MEP1B: variants seen among roughly 807,000 people sequenced by gnomAD.
The protein encoded by MEP1B is meprin A subunit beta, also known as N-benzoyl-L-tyrosyl-P-amino-benzoic acid hydrolase subunit beta.
Under a neutral mutation model 84.6 loss-of-function variants are expected in MEP1B, and 80 were observed. The observed-to-expected ratio is 0.95, with a 90% confidence interval of 0.79 to 1.14. The LOEUF (loss-of-function observed/expected upper bound fraction) is 1.14. Among genes scored for constraint, MEP1B ranks in the 50% most tolerant of loss-of-function variants. The probability of loss-of-function intolerance (pLI) is 0.00; values close to 1 mark genes in which losing one functional copy is unlikely to be tolerated. For synonymous variants in MEP1B, 273 were observed against 288.1 expected (o/e 0.95, Z 0.53); for missense variants, 766 against 855.1 (o/e 0.90, Z 1.30).
chr18:32,213,027 C>A, intron 10 of MEP1B, 89 bp from the exon 11 acceptor site: 1 of 1,244,450 alleles, frequency 8.0e-7, no homozygotes. Flanking sequence ...TTTTGGATGA[C>A]CCTTTGTCTA....
chr18:32,216,801 G>A (rs1026610887), intron 12 of MEP1B, among the ~76,000 whole-genome samples, 190 bp from the exon 13 acceptor site: 8 of 151,978 alleles, frequency 5.3e-5, no homozygotes, highest in East Asian at 1.9e-4. Context: ...CTCTGAGGCC[G>A]GAGTGGAAAG....
intron 5 of MEP1B, chr18:32,195,951 G>A (rs2040849225): frequency 3.6e-6 from 1 of 280,614 alleles, no homozygotes; most frequent in South Asian, 4.0e-5. Context: ...TGGCAGGTAT[G>A]CTCCTTTCTC....
rs529373473 is a variant in MEP1B at position 32,191,809 on chromosome 18, G to C, written c.64-13G>C. 44 of 1,522,356 alleles carry C rather than the reference G, an allele frequency of 2.9e-5. 1 individual carries two copies. In the Middle Eastern group the frequency reaches 1.6e-3, roughly 57 times the overall value. The allele number at this position is 1,522,356 out of a possible 1,614,324, so 94.3% of individuals were successfully genotyped here. A position where few individuals can be genotyped will look rare whatever the true frequency, so the allele number is the denominator to read the frequency against. ...TTATAATAATATGTTTTGTTTATGTGTTTATTTCCCAGGCAACTCCAGAAA... is the reference window on the plus strand; with the variant it reads ...TTATAATAATATGTTTTGTTTATGTCTTTATTTCCCAGGCAACTCCAGAAA... On this transcript the variant is annotated splice_polypyrimidine_tract_variant and intron_variant, in intron 1 of 14. Transcript: ENST00000269202.
chr18:32,208,113 T>C lies in MEP1B; in HGVS notation c.767-6T>C, dbSNP rs759063440. On this transcript the variant is annotated splice_region_variant and splice_polypyrimidine_tract_variant and intron_variant, in intron 8 of 14. Transcript: ENST00000269202. ...AGTGTCAATAATTGTTTTTTGCTTT[T>C]TGTAGCCTCTTCCTTGAGTTTTATG... 3.1e-6 allele frequency: 5 copies of C among 1,613,220 alleles called. 1 individual carries two copies. The South Asian group carries it at 5.5e-5, about 18-fold the overall frequency.
In MEP1B at chr18:32,204,382, ATGTTTT is replaced by A. The variant is rs775637268; in HGVS notation, c.547+24_547+29del. Reference sequence around the variant, plus strand: ...TCAGGTACATTTCTCTTTTTTTCCTATGTTTTTAGTTAAGGACTGAATTTCTAAGCA... The same window carrying A: ...TCAGGTACATTTCTCTTTTTTTCCTATAGTTAAGGACTGAATTTCTAAGCA... On this transcript the variant is annotated intron_variant, in intron 7 of 14. Coordinates refer to ENST00000269202, the MANE Select transcript of MEP1B (RefSeq NM_005925.3). 1.7e-4 allele frequency: 269 copies of A among 1,552,722 alleles called. No individual in the cohort carries two copies. The African/African-American group carries it at 3.3e-3, about 19-fold the overall frequency.
At chr18:32,203,236 T>C in intron 6 of MEP1B, 1 of 426,612 alleles carries the variant, frequency 2.3e-6, no homozygotes, top group Non-Finnish European at 4.2e-6. Context: ...TGGGATTGCA[T>C]GCCATCAGAC....
In MEP1B at chr18:32,196,934, A is replaced by G; in HGVS notation, c.250+1449A>G. 1 of 351,880 alleles carries G rather than the reference A, an allele frequency of 2.8e-6. No individual in the cohort carries two copies. Among genetic ancestry groups the G allele is most frequent in the Non-Finnish European group, 5.4e-6 (1 of 184,574 alleles). The allele number at this position is 351,880 out of a possible 1,614,324, so 21.8% of individuals were successfully genotyped here. The stretch of plus-strand genomic sequence containing the variant: ...CGTGCACTGCTCCCTACACTTGGTT[A>G]AACAGGTGCAGGGCCTGATTGATGG... On this transcript the variant is annotated intron_variant, in intron 5 of 14. Coordinates refer to ENST00000269202, the MANE Select transcript of MEP1B (RefSeq NM_005925.3). This position sits in a 1 kb window ranked among gnomAD's most constrained non-coding sequence, Gnocchi z 4.4.
Position 32,210,513 on chromosome 18 carries a change from T to C in MEP1B, c.932T>C (p.Phe311Ser). Residue 311 changes from phenylalanine (F) to serine (S), a missense_variant, in exon 10 of 15, where the codon TTC (phenylalanine) becomes TCC (serine). Coordinates refer to ENST00000269202, the MANE Select transcript of MEP1B (RefSeq NM_005925.3). ...NMGQCQGSGF[F>S]MHFDSSSVNV... ...TTTTCTTTAACAGGTTCTGGTTTCTTCATGCATTTCGATAGCAGCTCTGTA... is the reference window on the plus strand; with the variant it reads ...TTTTCTTTAACAGGTTCTGGTTTCTCCATGCATTTCGATAGCAGCTCTGTA... 6.2e-7 allele frequency: 1 copy of C among 1,613,836 alleles called. No homozygotes were observed. Among genetic ancestry groups the C allele is most frequent in the Non-Finnish European group, 8.5e-7 (1 of 1,179,770 alleles).
intron 10 of MEP1B, among the ~76,000 whole-genome samples, chr18:32,212,177 A>C (rs981212705): frequency 2.6e-5 from 4 of 151,578 alleles, no homozygotes; most frequent in African/African-American, 9.7e-5. Flanking sequence ...ATAATTGTCC[A>C]GGACTGGAAG....
chr18:32,207,585 A>C, intron 8 of MEP1B, 115 bp downstream of exon 8: 1 of 703,816 alleles, frequency 1.4e-6, no homozygotes, highest in Admixed American at 2.4e-5. Context: ...TAGAGATTTG[A>C]TATTCAGGAA....
At chr18:32,214,066 C>A (rs896068354) in intron 11 of MEP1B, among the ~76,000 whole-genome samples, 9 of 152,130 alleles carry the variant, frequency 5.9e-5, no homozygotes, top group African/African-American at 2.2e-4. Context: ...CTCATGCTAC[C>A]TTGTTCACGT....
rs72937863 is a variant in MEP1B, at chr18:32,197,405, G to T, written c.250+1920G>T. Among the ~76,000 whole-genome samples, 287 of 142,174 alleles carry T rather than the reference G, an allele frequency of 2.0e-3. 1 individual carries two copies. The highest frequency in any genetic ancestry group is 4.6e-3 in the African/African-American group (177 of 38,670). The allele number at this position is 142,174 out of a possible 152,430, so 93.3% of individuals were successfully genotyped here. On this transcript the variant is annotated intron_variant, in intron 5 of 14. Coordinates refer to ENST00000269202, the MANE Select transcript of MEP1B (RefSeq NM_005925.3). ...ATTTTTAATTTTATTTTTCATTTTT[G>T]TTTTTTTTTTTTTGTTTTGAGACAG...
chr18:32,209,892 C>T (rs1001851645), intron 9 of MEP1B, among the ~76,000 whole-genome samples: 1 of 152,138 alleles, frequency 6.6e-6, no homozygotes, highest in Non-Finnish European at 1.5e-5. Context: ...GTGTGTTCAC[C>T]TTTCCAGAAA....
At chr18:32,193,230 T>C (rs1222174548) in intron 4 of MEP1B, among the ~76,000 whole-genome samples, 4 of 152,170 alleles carry the variant, frequency 2.6e-5, no homozygotes, top group Admixed American at 2.0e-4. Context: ...ACTTCTACCC[T>C]GGCCTTAGCT....
intron 1 of MEP1B, among the ~76,000 whole-genome samples, chr18:32,190,971 A>T (rs1023378620): frequency 1.3e-5 from 2 of 152,104 alleles, no homozygotes; most frequent in African/African-American, 4.8e-5. Flanking sequence ...ATAAAATTGT[A>T]CTTTACACTT....
intron 5 of MEP1B, among the ~76,000 whole-genome samples, chr18:32,200,119 T>C (rs1470107286): frequency 6.6e-6 from 1 of 152,136 alleles, no homozygotes; most frequent in Non-Finnish European, 1.5e-5. Flanking sequence ...ATAAGAGCTA[T>C]TTTTCATCTT....
At chr18:32,199,171 G>C (rs2040884333) in intron 5 of MEP1B, among the ~76,000 whole-genome samples, 1 of 152,142 alleles carries the variant, frequency 6.6e-6, no homozygotes, top group Admixed American at 6.5e-5. Context: ...ATAAATTCTT[G>C]GTATATGACC....
intron 5 of MEP1B, among the ~76,000 whole-genome samples, chr18:32,202,210 C>T (rs1175063747): frequency 2.0e-5 from 3 of 152,180 alleles, no homozygotes; most frequent in Middle Eastern, 3.2e-3. Flanking sequence ...AGGACCTGGC[C>T]CATGTGATGC....
At chr18:32,204,554 T>C (rs957585245) in intron 7 of MEP1B, among the ~76,000 whole-genome samples, 194 bp downstream of exon 7, 6 of 152,166 alleles carry the variant, frequency 3.9e-5, no homozygotes, top group African/African-American at 1.4e-4. Context: ...AGATATGCTC[T>C]AGAAACTGGT....
Sources: allele counts gnomAD v4.1 joint callset (sites outside exome capture counted in the v4.1 genomes callset), GRCh38; gene constraint gnomAD v4.1.1; non-coding constraint Gnocchi (gnomAD v3.1); transcripts MANE v1.5; gene names NCBI Gene and HGNC (gene_info 2026-07-23, HGNC 2026-07-21).